The following FOXO1 variants were observed in gnomAD, a reference collection of about 807,000 sequenced individuals.
The protein encoded by FOXO1 is forkhead box protein O1.
FOXO1 carries 6 observed loss-of-function variants against 44.1 expected under a neutral mutation model. That is an observed-to-expected ratio of 0.14 (90% CI 0.07 to 0.27). The LOEUF (loss-of-function observed/expected upper bound fraction) is 0.27. Among genes scored for constraint, FOXO1 ranks in the 10% least tolerant of loss-of-function variants. FOXO1 has a pLI of 1.00. For missense variants in FOXO1, 737 were observed against 888.8 expected, an observed-to-expected ratio of 0.83 and a Z score of 2.17; for synonymous variants, 380 against 362.7, an observed-to-expected ratio of 1.05 and a Z score of -0.54.
chr13:40,619,662 T>C (rs571338312), intron 1 of FOXO1: 3 of 1,514,912 alleles, frequency 2.0e-6, no homozygotes, highest in South Asian at 2.2e-5. Flanking sequence ...TGAATTTCAA[T>C]GGTGGTAGTT....
chr13:40,572,758 G>A lies in FOXO1; in HGVS notation c.631-11898C>T, dbSNP rs577269468. Among the ~76,000 whole-genome samples, 8 of 152,256 alleles carry A rather than the reference G, an allele frequency of 5.3e-5. No individual in the cohort carries two copies. In the East Asian group the frequency reaches 1.2e-3, roughly 22 times the overall value. On this transcript the variant is annotated intron_variant, in intron 1 of 2. Transcript: ENST00000379561. ...ATCACAGAGATTGAGCCCAAGTCAG[G>A]GCTGTGGCCCAGCTTCCCACAGACA...
chr13:40,646,094 T>C (rs528764039), intron 1 of FOXO1, among the ~76,000 whole-genome samples: 1 of 150,752 alleles, frequency 6.6e-6, no homozygotes, highest in Non-Finnish European at 1.5e-5. Context: ...GTCATGGCAC[T>C]CTCCATTTAG....
At chr13:40,574,212 A>C (rs1256586416) in intron 1 of FOXO1, among the ~76,000 whole-genome samples, 2 of 151,830 alleles carry the variant, frequency 1.3e-5, no homozygotes, top group South Asian at 2.1e-4. Flanking sequence ...TTTCCACCAC[A>C]ATGTATGTAT....
intron 1 of FOXO1, among the ~76,000 whole-genome samples, chr13:40,664,949 G>C (rs1049255917): frequency 9.9e-5 from 15 of 151,784 alleles, no homozygotes; most frequent in Non-Finnish European, 2.2e-4. Flanking sequence ...GCACCACCTC[G>C]GGCTCGGGAC....
intron 1 of FOXO1, among the ~76,000 whole-genome samples, chr13:40,573,612 A>C (rs2137840532): frequency 6.6e-6 from 1 of 152,328 alleles, no homozygotes; most frequent in South Asian, 2.1e-4. Flanking sequence ...AGTTCGAATC[A>C]TGTCTTTTTT....
At chr13:40,621,246 C>A in intron 1 of FOXO1, 1 of 763,024 alleles carries the variant, frequency 1.3e-6, no homozygotes, top group Non-Finnish European at 2.1e-6. Flanking sequence ...ACCTTGCAGG[C>A]ATGAATTTCA....
At position 40,560,510 on chromosome 13, in the gene FOXO1, T is replaced by C. The variant is rs1441629449; in HGVS notation, c.981A>G (p.Arg327=). The C allele has an allele frequency of 1.2e-6, 2 of 1,613,538 alleles. No homozygotes were observed. Among genetic ancestry groups the C allele is most frequent in the Non-Finnish European group, 8.5e-7 (1 of 1,179,904 alleles). ...TSSNASTISG[R]LSPIMTEQDD... is the part of the protein sequence containing the mutation. ...CCTGTTCGGTCATAATGGGTGAGAG[T>C]CTCCCACTAATAGTACTAGCATTTG... Residue 327 remains arginine, a synonymous_variant, in exon 2 of 3, where the codon AGA becomes AGG. Coordinates refer to ENST00000379561, the MANE Select transcript of FOXO1 (RefSeq NM_002015.4). The surrounding 1 kb of genome is among the most constrained non-coding windows in gnomAD (Gnocchi z 5.1).
intron 1 of FOXO1, among the ~76,000 whole-genome samples, chr13:40,636,147 G>A (rs926794263): frequency 6.6e-6 from 1 of 152,048 alleles, no homozygotes; most frequent in African/African-American, 2.4e-5. Context: ...CCTGGGAGGC[G>A]GAGGTTGCAG....
intron 1 of FOXO1, among the ~76,000 whole-genome samples, chr13:40,587,515 G>A (rs1378823822): frequency 6.6e-6 from 1 of 152,174 alleles, no homozygotes; most frequent in Admixed American, 6.5e-5. Context: ...ACCCTTGCTT[G>A]AGGAGTCAAA....
intron 1 of FOXO1, among the ~76,000 whole-genome samples, chr13:40,589,920 GAAACAACTATGCAAAGA>G (rs1241317488): frequency 1.3e-5 from 2 of 152,184 alleles, no homozygotes; most frequent in Non-Finnish European, 2.9e-5. Context: ...AGGGTGATGG[GAAACAACTATGCAAAGA>G]AGGAAACACT....
intron 1 of FOXO1, among the ~76,000 whole-genome samples, chr13:40,648,945 T>C (rs1159099073): frequency 1.3e-5 from 2 of 152,208 alleles, no homozygotes; most frequent in Non-Finnish European, 2.9e-5. Context: ...TCAACAGCCG[T>C]TGATGTGATG....
chr13:40,630,124 T>C (rs925538773), intron 1 of FOXO1, among the ~76,000 whole-genome samples: 3 of 152,154 alleles, frequency 2.0e-5, no homozygotes, highest in Non-Finnish European at 4.4e-5. Context: ...AAAATATAAG[T>C]AGCTAAACCA....
chr13:40,633,714 A>G (rs1322694235), intron 1 of FOXO1, among the ~76,000 whole-genome samples: 1 of 152,214 alleles, frequency 6.6e-6, no homozygotes. Flanking sequence ...ACTAAAAACT[A>G]TTGAATTGTA....
At chr13:40,619,007 C>T in intron 1 of FOXO1, 1 of 509,550 alleles carries the variant, frequency 2.0e-6, no homozygotes, top group Non-Finnish European at 3.9e-6. Flanking sequence ...AACAAACTGG[C>T]CGGACACCGT....
chr13:40,646,901 C>T (rs1051349389), intron 1 of FOXO1, among the ~76,000 whole-genome samples: 2 of 152,030 alleles, frequency 1.3e-5, no homozygotes, highest in Admixed American at 6.6e-5. Context: ...GCCTGAACTT[C>T]GTAACAATTC....
intron 1 of FOXO1, among the ~76,000 whole-genome samples, chr13:40,605,995 T>A (rs976726379): frequency 2.0e-5 from 3 of 151,856 alleles, no homozygotes; most frequent in Admixed American, 6.6e-5. Context: ...AAAAAAAAAA[T>A]TATAACAATA....
At chr13:40,576,850 T>G (rs962649782) in intron 1 of FOXO1, among the ~76,000 whole-genome samples, 1 of 152,232 alleles carries the variant, frequency 6.6e-6, no homozygotes, top group Non-Finnish European at 1.5e-5. Context: ...ATTTTATCCA[T>G]CATTCACAAG....
At chr13:40,587,180 A>G (rs980851552) in intron 1 of FOXO1, among the ~76,000 whole-genome samples, 2 of 151,360 alleles carry the variant, frequency 1.3e-5, no homozygotes, top group African/African-American at 4.9e-5. Context: ...AGAAGGGCTC[A>G]TTATTCCATA....
At position 40,557,686 on chromosome 13, in the gene FOXO1, C is replaced by T. The variant is rs930662446; in HGVS notation, c.*1363G>A. 1 of 152,320 alleles carries T rather than the reference C, an allele frequency of 6.6e-6. No individual in the cohort carries two copies. The highest frequency in any genetic ancestry group is 1.9e-4 in the East Asian group (1 of 5,192). 9.4% of individuals were successfully genotyped at this position (152,320 alleles called of 1,614,324 possible). On this transcript the variant is annotated 3_prime_UTR_variant, in exon 3 of 3. Transcript: ENST00000379561. Reference sequence around the variant, plus strand: ...AATTCCTCAAGGCAGAACTACAAAACCAACCTCCACCTGGACTGAAACAAG... The same window carrying T: ...AATTCCTCAAGGCAGAACTACAAAATCAACCTCCACCTGGACTGAAACAAG...
Sources: gnomAD v4.1 joint callset for allele counts (sites outside exome capture counted in the v4.1 genomes callset) on GRCh38, gnomAD v4.1.1 for gene constraint, Gnocchi (gnomAD v3.1) non-coding constraint, MANE v1.5 for transcripts, NCBI Gene and HGNC (gene_info 2026-07-23, HGNC 2026-07-21) for gene names.